The following THSD7B variants were observed in gnomAD, a reference collection of about 807,000 sequenced individuals.
THSD7B encodes the protein thrombospondin type-1 domain-containing protein 7B.
Under a neutral mutation model 213.6 loss-of-function variants are expected in THSD7B, and 138 were observed. The observed-to-expected ratio is 0.65, with a 90% CI of 0.56 to 0.74. The LOEUF (loss-of-function observed/expected upper bound fraction) is 0.74, where lower values mean the gene tolerates loss of function less well. Among genes scored for constraint, THSD7B ranks in the 30% least tolerant of loss-of-function variants. The pLI, the probability that THSD7B is intolerant of heterozygous loss-of-function variation, is 0.00. For missense variants in THSD7B, 1,931 were observed against 1,991.5 expected (o/e 0.97, Z 0.58); for synonymous variants, 742 against 687.0 (o/e 1.08, Z -1.25).
At chr2:137,579,899 AG>A (rs1236034687) in intron 17 of THSD7B, among the ~76,000 whole-genome samples, 1 of 152,158 alleles carries the variant, frequency 6.6e-6, no homozygotes, top group East Asian at 1.9e-4. Context: ...ATATCATTTT[AG>A]TGGTATTCCT....
intron 12 of THSD7B, among the ~76,000 whole-genome samples, chr2:137,383,018 A>G (rs915756475): frequency 6.6e-6 from 1 of 152,198 alleles, no homozygotes; most frequent in African/African-American, 2.4e-5. Flanking sequence ...GGTGATCACC[A>G]AGGAAGCGAC....
chr2:137,580,206 G>C (rs1681545427), intron 17 of THSD7B, among the ~76,000 whole-genome samples: 1 of 151,934 alleles, frequency 6.6e-6, no homozygotes, highest in South Asian at 2.1e-4. Context: ...TTCTAGATAT[G>C]TTAAAAAAAT....
chr2:136,920,100 G>T (rs1033210697), intron 2 of THSD7B, among the ~76,000 whole-genome samples: 1 of 152,230 alleles, frequency 6.6e-6, no homozygotes, highest in Non-Finnish European at 1.5e-5. Flanking sequence ...CAAGTAAGTG[G>T]GGGTGTGTTT....
At chr2:137,583,092 G>A (rs1482896781) in intron 17 of THSD7B, among the ~76,000 whole-genome samples, 3 of 152,228 alleles carry the variant, frequency 2.0e-5, no homozygotes, top group Non-Finnish European at 2.9e-5. Context: ...GATGGCCAGG[G>A]ATGATGAGCA....
intron 15 of THSD7B, among the ~76,000 whole-genome samples, chr2:137,511,521 G>A (rs932565355): frequency 2.4e-4 from 37 of 152,296 alleles, no homozygotes; most frequent in African/African-American, 8.9e-4. Flanking sequence ...TGGAAAATCT[G>A]CTGCTCTGAA....
intron 7 of THSD7B, among the ~76,000 whole-genome samples, chr2:137,175,815 TTTTG>T (rs1187734407): frequency 3.3e-5 from 5 of 152,310 alleles, no homozygotes; most frequent in East Asian, 1.9e-4. Flanking sequence ...GAAAGTTTTG[TTTTG>T]TTTGTTTGTT....
chr2:137,512,382 C>CTTTTTTTTT, intron 15 of THSD7B, among the ~76,000 whole-genome samples: 1 of 81,380 alleles, frequency 1.2e-5, no homozygotes, highest in Non-Finnish European at 2.1e-5. Flanking sequence ...CATTTATTTC[C>CTTTTTTTTT]TTTTTTTTTT....
At chr2:136,929,483 C>T (rs944528589) in intron 2 of THSD7B, among the ~76,000 whole-genome samples, 3 of 152,058 alleles carry the variant, frequency 2.0e-5, no homozygotes, top group Admixed American at 1.3e-4. Flanking sequence ...TGTATGTCAT[C>T]TTAGTAGGTT....
intron 15 of THSD7B, among the ~76,000 whole-genome samples, chr2:137,459,511 C>A (rs916452187): frequency 6.6e-6 from 1 of 151,770 alleles, no homozygotes; most frequent in Admixed American, 6.6e-5. Context: ...ACTAAAAATA[C>A]AAAAATTAGC....
At chr2:137,139,989 A>G (rs1363468388) in intron 5 of THSD7B, among the ~76,000 whole-genome samples, 1 of 152,120 alleles carries the variant, frequency 6.6e-6, no homozygotes, top group Non-Finnish European at 1.5e-5. Context: ...ATGTGTTATT[A>G]TAAAAATTTA....
intron 10 of THSD7B, among the ~76,000 whole-genome samples, chr2:137,260,113 C>A (rs1682406860): frequency 6.6e-6 from 1 of 152,056 alleles, no homozygotes; most frequent in South Asian, 2.1e-4. Context: ...ACTTTAAAAA[C>A]ATTTCAAAGA....
chr2:137,275,380 A>C (rs967870970), intron 11 of THSD7B, among the ~76,000 whole-genome samples: 1 of 152,040 alleles, frequency 6.6e-6, no homozygotes, highest in African/African-American at 2.4e-5. Flanking sequence ...AATTTGAAGC[A>C]GAGGATTAAG....
chr2:136,933,689 C>T (rs368751475), intron 2 of THSD7B, among the ~76,000 whole-genome samples: 3 of 151,626 alleles, frequency 2.0e-5, no homozygotes, highest in Non-Finnish European at 2.9e-5. Context: ...AATAATCAAT[C>T]TCTTCTTCTC....
At chr2:136,890,329 TTC>T (rs1279262589) in intron 2 of THSD7B, among the ~76,000 whole-genome samples, 3,909 of 9,320 alleles carry the variant, frequency 0.42, 873 homozygotes, top group Middle Eastern at 0.74. Context: ...CTTCTTCTTC[TTC>T]TTCTTCTTCT....
Position 137,667,794 on chromosome 2 carries a change from G to T in THSD7B, c.4672G>T (p.Val1558Phe). Reference sequence around the variant, plus strand: ...AACAGATGGCCGAGTAAAAATTTGGGTTTATGGCGTTTCAGGTGGCGCTTT... The same window carrying T: ...AACAGATGGCCGAGTAAAAATTTGGTTTTATGGCGTTTCAGGTGGCGCTTT... The part of the protein sequence containing the change: ...LDPDGRVKIW[V>F]YGVSGGAFLI... Residue 1558 changes from valine (V) to phenylalanine (F), a missense_variant, in exon 27 of 28, where the codon GTT becomes TTT. Coordinates refer to ENST00000409968, the MANE Select transcript of THSD7B (RefSeq NM_001316349.2). 6.2e-7 allele frequency: 1 copy of T among 1,605,884 alleles called. No individual in the cohort carries two copies. The highest frequency in any genetic ancestry group is 8.5e-7 in the Non-Finnish European group (1 of 1,175,650).
intron 4 of THSD7B, among the ~76,000 whole-genome samples, 196 bp downstream of exon 4, chr2:137,095,317 T>G (rs1352961141): frequency 6.6e-6 from 1 of 152,186 alleles, no homozygotes; most frequent in African/African-American, 2.4e-5. Context: ...AAGTCCTGTT[T>G]CTGTGACTTT....
chr2:137,445,223 G>A (rs988995527), intron 14 of THSD7B, among the ~76,000 whole-genome samples: 1 of 152,002 alleles, frequency 6.6e-6, no homozygotes, highest in African/African-American at 2.4e-5. Flanking sequence ...ACTAAAAATA[G>A]AACTACCATA....
chr2:136,948,048 C>G (rs1189553387), intron 2 of THSD7B, among the ~76,000 whole-genome samples: 2 of 152,200 alleles, frequency 1.3e-5, no homozygotes, highest in Non-Finnish European at 2.9e-5. Flanking sequence ...CCATCTTCAT[C>G]TTCCTTGTAA....
intron 2 of THSD7B, among the ~76,000 whole-genome samples, chr2:136,983,358 G>GACACACACAGACACACACACACACAC (rs1553462389): frequency 1.9e-5 from 2 of 105,028 alleles, no homozygotes; most frequent in East Asian, 5.7e-4. Flanking sequence ...CAGACACACA[G>GACACACACAGACACACACACACACAC]ACACACACAC....
Sources: gnomAD v4.1 joint callset for allele counts (sites outside exome capture counted in the v4.1 genomes callset) on GRCh38, gnomAD v4.1.1 for gene constraint, MANE v1.5 for transcripts, NCBI Gene and HGNC (gene_info 2026-07-23, HGNC 2026-07-21) for gene names.